Variants in LAMA3 observed in about 807,000 individuals in gnomAD.
LAMA3 encodes the protein laminin subunit alpha 3, also known as laminin subunit alpha-3.
Under a neutral mutation model 402.0 loss-of-function variants are expected in LAMA3, and 281 were observed. The observed-to-expected ratio is 0.70, with a 90% confidence interval of 0.63 to 0.77. LAMA3 has a LOEUF of 0.77. LAMA3 is among the 30% of genes least tolerant of loss of function. The probability of loss-of-function intolerance (pLI) is 0.00; values close to 1 mark genes in which losing one functional copy is unlikely to be tolerated. For synonymous variants in LAMA3, 1,431 were observed against 1,558.4 expected (o/e 0.92, Z 1.93); for missense variants, 3,840 against 4,215.5 (o/e 0.91, Z 2.47).
At position 23,689,968 on chromosome 18, in the gene LAMA3, C is replaced by T; in HGVS notation, c.285C>T (p.His95=). The T allele has an allele frequency of 3.3e-6, 5 of 1,503,924 alleles. No homozygotes were observed. The highest frequency in any genetic ancestry group is 4.4e-6 in the Non-Finnish European group (5 of 1,125,742). The allele number at this position is 1,503,924 out of a possible 1,614,324, so 93.2% of individuals were successfully genotyped here. ...GCCCCACCGCCCCAGGCAGCGGCCA[C>T]ACCATCCAGGTGAGGGCCTCGGAGA... The part of the protein sequence containing the change: ...VGGPTAPGSG[H]TIQGQFCDYC... Residue 95 remains histidine, a synonymous_variant, in exon 1 of 75, where the codon CAC becomes CAT. Transcript: ENST00000313654.
chr18:23,873,198 G>A, intron 38 of LAMA3: 4 of 1,614,198 alleles, frequency 2.5e-6, no homozygotes, highest in Non-Finnish European at 3.4e-6. Flanking sequence ...GAGTTATGTG[G>A]AGTTTAGACC....
intron 49 of LAMA3, among the ~76,000 whole-genome samples, chr18:23,903,667 T>C (rs964784332): frequency 1.3e-5 from 2 of 152,240 alleles, no homozygotes; most frequent in East Asian, 1.9e-4. Flanking sequence ...CAACTTTATA[T>C]TGATGATAAC....
intron 17 of LAMA3, among the ~76,000 whole-genome samples, chr18:23,815,811 C>T (rs1435567011): frequency 2.0e-5 from 3 of 152,084 alleles, no homozygotes; most frequent in African/African-American, 7.2e-5. Context: ...AGAAACATAA[C>T]TGGGATGGGA....
chr18:23,939,382 C>A lies in LAMA3; in HGVS notation c.9022C>A (p.Pro3008Thr). Residue 3008 changes from proline (P) to threonine (T), a missense_variant, in exon 68 of 75, where the codon CCC becomes ACC. Physicochemically the swap from Pro to Thr is conservative, Grantham distance 38. Coordinates refer to ENST00000313654, the MANE Select transcript of LAMA3 (RefSeq NM_198129.4). ...LFKLPQELLK[P>T]RSQFAVDMQT... ...CAAGCTTCCTCAGGAGCTGCTGAAA[C>A]CCAGGTATTATTTAGCTTTCCTGCC... 6.2e-7 allele frequency: 1 copy of A among 1,614,116 alleles called. No individual in the cohort carries two copies. The highest frequency in any genetic ancestry group is 8.5e-7 in the Non-Finnish European group (1 of 1,179,978).
intron 13 of LAMA3, among the ~76,000 whole-genome samples, chr18:23,812,090 A>G (rs140381434): frequency 0.035 from 5,244 of 151,978 alleles, 251 homozygotes; most frequent in African/African-American, 0.11. Context: ...AGCCAGGATG[A>G]TCTTGATCTC....
intron 38 of LAMA3, among the ~76,000 whole-genome samples, chr18:23,875,057 G>A (rs576712630): frequency 4.9e-4 from 74 of 152,224 alleles, no homozygotes; most frequent in African/African-American, 1.7e-3. Context: ...TAGAGATGAG[G>A]TTTCACCATG....
chr18:23,878,497 C>T (rs1023234520), intron 39 of LAMA3, among the ~76,000 whole-genome samples: 1 of 152,152 alleles, frequency 6.6e-6, no homozygotes. Context: ...TACACACACT[C>T]ACACACACAC....
At chr18:23,951,437 C>G (rs1371996419) in intron 72 of LAMA3, among the ~76,000 whole-genome samples, 1 of 152,178 alleles carries the variant, frequency 6.6e-6, no homozygotes, top group East Asian at 1.9e-4. Context: ...GGGAACAACT[C>G]ATTGCCATTG....
Position 23,847,453 on chromosome 18 carries a change from C to A in LAMA3, c.3932-11C>A. The A allele has an allele frequency of 6.2e-7, 1 of 1,609,032 alleles. No homozygotes were observed. Among genetic ancestry groups the A allele is most frequent in the Non-Finnish European group, 8.5e-7 (1 of 1,179,986 alleles). On this transcript the variant is annotated splice_polypyrimidine_tract_variant and intron_variant, in intron 31 of 74. Transcript: ENST00000313654. ...TGACCCTCACATGGTATTTCTTTAT[C>A]CCCTGGCCAGCGTGCAGCTGTGGTC...
At chr18:23,791,330 T>G (rs565325981) in intron 12 of LAMA3, among the ~76,000 whole-genome samples, 9 of 152,136 alleles carry the variant, frequency 5.9e-5, no homozygotes, top group Non-Finnish European at 1.3e-4. Context: ...TACCTAGAAA[T>G]GTAAGCAGCA....
At chr18:23,804,121 A>G (rs913449786) in intron 12 of LAMA3, among the ~76,000 whole-genome samples, 1 of 152,174 alleles carries the variant, frequency 6.6e-6, no homozygotes, top group Non-Finnish European at 1.5e-5. Flanking sequence ...ACCCAGTAGA[A>G]AGTGAAAAGC....
chr18:23,936,110 T>C (rs997557056), intron 67 of LAMA3, among the ~76,000 whole-genome samples: 1 of 152,124 alleles, frequency 6.6e-6, no homozygotes, highest in Non-Finnish European at 1.5e-5. Flanking sequence ...GGAAATTGAG[T>C]GTCTAAGAGG....
intron 42 of LAMA3, among the ~76,000 whole-genome samples, chr18:23,893,796 G>A (rs1286475365): frequency 6.6e-6 from 1 of 152,188 alleles, no homozygotes; most frequent in Non-Finnish European, 1.5e-5. Context: ...CTAGCATGGG[G>A]CTCTGTTACA....
intron 19 of LAMA3, among the ~76,000 whole-genome samples, 185 bp from the exon 20 acceptor site, chr18:23,822,067 G>A (rs764274973): frequency 1.3e-5 from 2 of 152,120 alleles, no homozygotes; most frequent in South Asian, 2.1e-4. Flanking sequence ...TCATTGTTAG[G>A]TTTGCCTATT....
intron 20 of LAMA3, among the ~76,000 whole-genome samples, chr18:23,823,070 A>G (rs2063318095): frequency 6.6e-6 from 1 of 152,240 alleles, no homozygotes; most frequent in South Asian, 2.1e-4. Context: ...AATGTACGCC[A>G]TCTTTGTTAA....
intron 8 of LAMA3, among the ~76,000 whole-genome samples, chr18:23,764,386 A>C (rs2062033876): frequency 6.6e-6 from 1 of 152,228 alleles, no homozygotes. Context: ...AAGACCTTCA[A>C]GTGATTTGTG....
Position 23,882,395 on chromosome 18 carries a change from C to T in LAMA3, c.5222+350C>T, listed in dbSNP as rs376854717. Among the ~76,000 whole-genome samples the T allele has an allele frequency of 8.3e-4, 126 of 152,080 alleles. 4 individuals are homozygous for T. The South Asian group carries it at 0.025, about 30-fold the overall frequency. On this transcript the variant is annotated intron_variant, in intron 40 of 74. Transcript: ENST00000313654. Reference sequence around the variant, plus strand: ...CTGTAATCCTAGCACTTTAGAGGGCCGAGGAGGGCGGATCACTTGAGGTCA... The same window carrying T: ...CTGTAATCCTAGCACTTTAGAGGGCTGAGGAGGGCGGATCACTTGAGGTCA...
rs753525285 is a variant in LAMA3 at position 23,842,673 on chromosome 18, G to A, written c.3526G>A (p.Gly1176Ser). 9.3e-6 allele frequency: 15 copies of A among 1,614,182 alleles called. No homozygotes were observed. Among genetic ancestry groups the A allele is most frequent in the Non-Finnish European group, 1.3e-5 (15 of 1,180,044 alleles). Residue 1176 changes from glycine to serine, a missense_variant, in exon 29 of 75, where the codon GGC (glycine) becomes AGC (serine). By Grantham distance (56) the Gly-to-Ser change is moderately conservative. Coordinates refer to ENST00000313654, the MANE Select transcript of LAMA3 (RefSeq NM_198129.4). Reference sequence around the variant, plus strand: ...CTGCCGGGATCAAGTGATTGCCGAAGGCCAGATTGAGTTTGACATCTCAGA... The same window carrying A: ...CTGCCGGGATCAAGTGATTGCCGAAAGCCAGATTGAGTTTGACATCTCAGA... ...LGCRDQVIAEGQIEFDISEPE... is the reference protein window; with the variant it reads ...LGCRDQVIAESQIEFDISEPE...
At chr18:23,889,457 G>A (rs2080566818) in intron 41 of LAMA3, among the ~76,000 whole-genome samples, 1 of 151,966 alleles carries the variant, frequency 6.6e-6, no homozygotes, top group Non-Finnish European at 1.5e-5. Context: ...AGTTTCTTGG[G>A]AGGCTGAGAC....
Sources: gnomAD v4.1 joint callset for allele counts (sites outside exome capture counted in the v4.1 genomes callset) on GRCh38, gnomAD v4.1.1 for gene constraint, MANE v1.5 for transcripts, NCBI Gene and HGNC (gene_info 2026-07-23, HGNC 2026-07-21) for gene names.